DLGAP1: variants seen among roughly 807,000 people sequenced by gnomAD.
DLGAP1 encodes the protein disks large-associated protein 1.
DLGAP1 carries 11 observed loss-of-function variants against 90.8 expected under a neutral mutation model. That is an observed-to-expected ratio of 0.12 (90% CI 0.08 to 0.20). DLGAP1 has a LOEUF of 0.20. Ranked by LOEUF, DLGAP1 falls within the 10% of genes least tolerant of loss-of-function variation. The pLI, the probability that DLGAP1 is intolerant of heterozygous loss-of-function variation, is 1.00. For missense variants in DLGAP1, 1,050 were observed against 1,333.8 expected (o/e 0.79, Z 3.31); for synonymous variants, 558 against 540.7 (o/e 1.03, Z -0.44).
At chr18:4,355,360 A>G (rs1185957471) in intron 1 of DLGAP1, among the ~76,000 whole-genome samples, 1 of 152,242 alleles carries the variant, frequency 6.6e-6, no homozygotes, top group Non-Finnish European at 1.5e-5. Flanking sequence ...TTCAAAGGTT[A>G]CATATGGTGT....
intron 1 of DLGAP1, among the ~76,000 whole-genome samples, chr18:4,364,420 TA>T (rs1229367890): frequency 5.9e-5 from 9 of 151,470 alleles, no homozygotes; most frequent in East Asian, 1.9e-4. Flanking sequence ...AATAAAGTAA[TA>T]AAAAAAAGAT....
chr18:4,443,228 G>C (rs978431811), intron 1 of DLGAP1, among the ~76,000 whole-genome samples: 4 of 152,172 alleles, frequency 2.6e-5, no homozygotes, highest in Non-Finnish European at 4.4e-5. Flanking sequence ...CTTTGTTCCA[G>C]TAGTCAAATA....
intron 1 of DLGAP1, among the ~76,000 whole-genome samples, chr18:4,191,157 G>C (rs570881738): frequency 7.2e-5 from 11 of 152,002 alleles, no homozygotes; most frequent in Admixed American, 1.3e-4. Context: ...AGCACATCAA[G>C]ATATGTTTGC....
intron 1 of DLGAP1, among the ~76,000 whole-genome samples, chr18:4,162,984 A>C (rs537482815): frequency 4.7e-4 from 72 of 152,218 alleles, no homozygotes; most frequent in African/African-American, 1.7e-3. Flanking sequence ...GTCTTCCATG[A>C]TGTTAAATGC....
rs9954064 is a variant in DLGAP1, at chr18:3,944,482, C to T, written c.-73+60634G>A. On this transcript the variant is annotated intron_variant, in intron 3 of 12. Transcript: ENST00000315677. ...TTGCACCACTGCACTCCAGCCTGGGCTATAGACAGAGACTCTGTTAAAAAA... is the reference window on the plus strand; with the variant it reads ...TTGCACCACTGCACTCCAGCCTGGGTTATAGACAGAGACTCTGTTAAAAAA... Among the ~76,000 whole-genome samples the T allele has an allele frequency of 1.0e-3, 152 of 152,106 alleles. 1 individual carries two copies. Among genetic ancestry groups the T allele is most frequent in the African/African-American group, 3.5e-3 (146 of 41,504 alleles).
At chr18:3,575,008 G>A (rs2055037484) in intron 8 of DLGAP1, among the ~76,000 whole-genome samples, 1 of 151,998 alleles carries the variant, frequency 6.6e-6, no homozygotes, top group African/African-American at 2.4e-5. Flanking sequence ...TAGAGACGGG[G>A]TTTCACCATG....
In DLGAP1 at chr18:4,454,434, G is replaced by A. The variant is rs1187315174; in HGVS notation, c.-267+572C>T. ...TCTCTCTCTCTCTCTCTCTGTGCCTGTCTTTGTGTCTCTGTTTCTTTGGCT... is the reference window on the plus strand; with the variant it reads ...TCTCTCTCTCTCTCTCTCTGTGCCTATCTTTGTGTCTCTGTTTCTTTGGCT... On this transcript the variant is annotated intron_variant, in intron 1 of 12. Coordinates refer to ENST00000315677, the MANE Select transcript of DLGAP1 (RefSeq NM_004746.4). This position sits in a 1 kb window ranked among gnomAD's most constrained non-coding sequence, Gnocchi z 4.7. Among the ~76,000 whole-genome samples the A allele has an allele frequency of 1.8e-5, 2 of 108,630 alleles. No individual in the cohort carries two copies. The highest frequency in any genetic ancestry group is 5.9e-5 in the African/African-American group (2 of 33,680). The allele number at this position is 108,630 out of a possible 152,430, so 71.3% of individuals were successfully genotyped here. A position where few individuals can be genotyped will look rare whatever the true frequency, so the allele number is the denominator to read the frequency against.
chr18:3,650,869 C>T (rs1008265099), intron 7 of DLGAP1, among the ~76,000 whole-genome samples: 3 of 151,286 alleles, frequency 2.0e-5, no homozygotes, highest in Non-Finnish European at 4.4e-5. Flanking sequence ...GAGTTGGAGA[C>T]CATCCTGGCC....
chr18:4,390,431 G>A (rs1177029780), intron 1 of DLGAP1, among the ~76,000 whole-genome samples: 1 of 151,698 alleles, frequency 6.6e-6, no homozygotes, highest in Non-Finnish European at 1.5e-5. Flanking sequence ...CATTCTACGA[G>A]CTTTGAAAAA....
chr18:3,925,630 G>A (rs866238061), intron 3 of DLGAP1, among the ~76,000 whole-genome samples: 16 of 152,258 alleles, frequency 1.1e-4, no homozygotes, highest in Middle Eastern at 3.4e-3. Flanking sequence ...GAGCTAATAT[G>A]TTTAAAGACC....
At chr18:4,390,003 T>A (rs1434687763) in intron 1 of DLGAP1, among the ~76,000 whole-genome samples, 4 of 152,222 alleles carry the variant, frequency 2.6e-5, no homozygotes, top group Non-Finnish European at 5.9e-5. Context: ...TGTAGGGCAC[T>A]GTGTTAGTCC....
intron 1 of DLGAP1, among the ~76,000 whole-genome samples, chr18:4,199,717 G>A (rs1260570364): frequency 6.6e-6 from 1 of 152,222 alleles, no homozygotes; most frequent in Non-Finnish European, 1.5e-5. Context: ...TAGGACCATG[G>A]AAGAGATAAG....
intron 4 of DLGAP1, among the ~76,000 whole-genome samples, chr18:3,860,048 G>A (rs1300981969): frequency 2.0e-5 from 3 of 148,980 alleles, no homozygotes; most frequent in Admixed American, 6.7e-5. Context: ...GCAGTGAGCC[G>A]AGATTGCGCC....
intron 8 of DLGAP1, chr18:3,580,238 C>T: frequency 6.2e-7 from 1 of 1,601,428 alleles, no homozygotes; most frequent in Non-Finnish European, 8.6e-7. Flanking sequence ...GGTGAACCAT[C>T]TGAAAAGACC....
intron 4 of DLGAP1, among the ~76,000 whole-genome samples, chr18:3,830,436 A>T (rs1368766434): frequency 1.3e-5 from 2 of 152,172 alleles, no homozygotes; most frequent in Non-Finnish European, 2.9e-5. Flanking sequence ...GTGGTGGCAC[A>T]TGCCTGCAAT....
intron 1 of DLGAP1, among the ~76,000 whole-genome samples, chr18:4,410,149 C>T (rs964794053): frequency 2.6e-5 from 4 of 152,122 alleles, no homozygotes; most frequent in Non-Finnish European, 4.4e-5. Flanking sequence ...ACTTCGGGTA[C>T]TTGGGAAGAG....
chr18:3,680,558 T>C (rs553737403), intron 7 of DLGAP1, among the ~76,000 whole-genome samples: 3 of 152,158 alleles, frequency 2.0e-5, no homozygotes, highest in Non-Finnish European at 4.4e-5. Flanking sequence ...GAGGCTGAGG[T>C]GGGCAGATCA....
At chr18:4,419,750 G>A (rs1338108169) in intron 1 of DLGAP1, among the ~76,000 whole-genome samples, 3 of 151,780 alleles carry the variant, frequency 2.0e-5, no homozygotes, top group Non-Finnish European at 4.4e-5. Flanking sequence ...AAATCACAGA[G>A]CAAACACTAA....
At chr18:4,109,545 A>G (rs1483150374) in intron 2 of DLGAP1, among the ~76,000 whole-genome samples, 1 of 151,700 alleles carries the variant, frequency 6.6e-6, no homozygotes, top group Admixed American at 6.6e-5. Context: ...GGAGACCTGT[A>G]TTTTTTTTCA....
Sources: gnomAD v4.1 joint callset for allele counts (sites outside exome capture counted in the v4.1 genomes callset) on GRCh38, gnomAD v4.1.1 for gene constraint, Gnocchi (gnomAD v3.1) non-coding constraint, MANE v1.5 for transcripts, NCBI Gene and HGNC (gene_info 2026-07-23, HGNC 2026-07-21) for gene names.